The following GRIP1 variants were observed in gnomAD, a reference collection of about 807,000 sequenced individuals.
GRIP1 encodes the protein glutamate receptor interacting protein 1.
Under a neutral mutation model 129.9 loss-of-function variants are expected in GRIP1, and 45 were observed. That is an observed-to-expected ratio of 0.35 (90% confidence interval 0.27 to 0.44). GRIP1 has a LOEUF of 0.44. Among genes scored for constraint, GRIP1 ranks in the 20% least tolerant of loss-of-function variants. The pLI is 1.00. For missense variants in GRIP1, 1,196 were observed against 1,396.8 expected, an observed-to-expected ratio of 0.86 and a Z score of 2.29; for synonymous variants, 530 against 520.8, an observed-to-expected ratio of 1.02 and a Z score of -0.24.
chr12:66,988,378 T>C (rs966226210), intron 1 of GRIP1, among the ~76,000 whole-genome samples: 2 of 152,076 alleles, frequency 1.3e-5, no homozygotes, highest in Non-Finnish European at 2.9e-5. Flanking sequence ...AGAAATTCTT[T>C]TTTCTTTTTC....
intron 1 of GRIP1, among the ~76,000 whole-genome samples, chr12:66,723,008 C>T (rs1218255581): frequency 6.6e-6 from 1 of 151,638 alleles, no homozygotes; most frequent in African/African-American, 2.4e-5. Flanking sequence ...ACAGAAAACT[C>T]TACATCAGTG....
At position 66,511,176 on chromosome 12, in the gene GRIP1, GAGTTT is replaced by G. The variant is rs149770147; in HGVS notation, c.724+4438_724+4442del. On this transcript the variant is annotated intron_variant, in intron 7 of 24. Transcript: ENST00000359742. ...TGAGATCTGATGGTTTTATAAAGGAGAGTTTCCCTGCACAAGTTCTCTTCTCCTGT... is the reference window on the plus strand; with the variant it reads ...TGAGATCTGATGGTTTTATAAAGGAGCCCTGCACAAGTTCTCTTCTCCTGT... Among the ~76,000 whole-genome samples, 1,041 of 152,190 alleles carry G rather than the reference GAGTTT, an allele frequency of 6.8e-3. 36 individuals carry two copies. The East Asian group carries it at 0.1, about 15-fold the overall frequency.
intron 4 of GRIP1, among the ~76,000 whole-genome samples, chr12:66,533,894 C>CTG (rs1204283398): frequency 4.0e-5 from 6 of 151,826 alleles, no homozygotes; most frequent in African/African-American, 1.4e-4. Context: ...CACACTCTCT[C>CTG]TCTCTCTCTC....
intron 1 of GRIP1, among the ~76,000 whole-genome samples, chr12:66,895,487 T>C (rs1460964333): frequency 6.6e-6 from 1 of 152,192 alleles, no homozygotes; most frequent in African/African-American, 2.4e-5. Flanking sequence ...GTATCTCTTG[T>C]AGCAGTGTGA....
chr12:66,701,285 T>G (rs1337669798), intron 1 of GRIP1, among the ~76,000 whole-genome samples: 2 of 152,230 alleles, frequency 1.3e-5, no homozygotes, highest in African/African-American at 4.8e-5. Context: ...CTTACTCTGA[T>G]GCTTTTCCTT....
At chr12:66,685,698 T>C (rs1293713944) in intron 1 of GRIP1, among the ~76,000 whole-genome samples, 1 of 152,126 alleles carries the variant, frequency 6.6e-6, no homozygotes. Context: ...AGGGAAGAAA[T>C]TAGATTTCTA....
At chr12:66,997,140 A>G (rs950518859) in intron 1 of GRIP1, among the ~76,000 whole-genome samples, 1 of 152,182 alleles carries the variant, frequency 6.6e-6, no homozygotes, top group African/African-American at 2.4e-5. Flanking sequence ...CCAAATCTGC[A>G]GCGTAAGAGT....
In GRIP1 at chr12:66,531,253, ATATATATATAT is replaced by A. The variant is rs1343192218; in HGVS notation, c.419-1350_419-1340del. Among the ~76,000 whole-genome samples the A allele has an allele frequency of 1.7e-4, 3 of 17,386 alleles. 1 individual carries two copies. In the East Asian group the frequency reaches 3.3e-3, roughly 19 times the overall value. 11.4% of individuals were successfully genotyped at this position (17,386 alleles called of 152,430 possible). On this transcript the variant is annotated intron_variant, in intron 4 of 24. Coordinates refer to ENST00000359742, the MANE Select transcript of GRIP1 (RefSeq NM_001366722.1). Reference sequence around the variant, plus strand: ...TCTGTCTCAAAAAAAAAAAAAAAAAATATATATATATATATATATATATATATATATATATA... The same window carrying A: ...TCTGTCTCAAAAAAAAAAAAAAAAAAATATATATATATATATATATATATA...
intron 1 of GRIP1, among the ~76,000 whole-genome samples, chr12:66,870,101 C>T (rs1308988894): frequency 1.3e-5 from 2 of 152,038 alleles, no homozygotes; most frequent in Non-Finnish European, 2.9e-5. Flanking sequence ...TGTCAAATGT[C>T]CTCTGGGTGA....
At chr12:66,837,737 C>A (rs554190652) in intron 1 of GRIP1, among the ~76,000 whole-genome samples, 1 of 152,012 alleles carries the variant, frequency 6.6e-6, no homozygotes, top group Non-Finnish European at 1.5e-5. Context: ...AGAAGCCTAT[C>A]GCAATGGTCC....
chr12:66,973,515 T>G (rs1032553570), intron 1 of GRIP1, among the ~76,000 whole-genome samples: 3 of 152,102 alleles, frequency 2.0e-5, no homozygotes, highest in African/African-American at 7.2e-5. Context: ...CTTTGAATTC[T>G]GAATAAATTC....
intron 1 of GRIP1, among the ~76,000 whole-genome samples, chr12:66,947,051 A>AG (rs1373272838): frequency 1.6e-4 from 24 of 152,038 alleles, no homozygotes; most frequent in African/African-American, 5.8e-4. Flanking sequence ...TCTCAAAAAA[A>AG]AAAAAACCTG....
At chr12:66,687,506 C>A (rs964203063) in intron 1 of GRIP1, among the ~76,000 whole-genome samples, 3 of 151,960 alleles carry the variant, frequency 2.0e-5, no homozygotes, top group Admixed American at 2.0e-4. Context: ...CCTATGCCAG[C>A]CACCATGATG....
intron 1 of GRIP1, among the ~76,000 whole-genome samples, chr12:66,781,835 A>G (rs966762906): frequency 3.9e-5 from 6 of 152,214 alleles, no homozygotes; most frequent in African/African-American, 1.4e-4. Context: ...GGGTGTATAA[A>G]TTGGTATAGC....
At chr12:66,925,433 T>C (rs1229668009) in intron 1 of GRIP1, among the ~76,000 whole-genome samples, 1 of 151,862 alleles carries the variant, frequency 6.6e-6, no homozygotes, top group Non-Finnish European at 1.5e-5. Flanking sequence ...CAATACAACA[T>C]GGAGGGAATG....
chr12:66,723,447 G>A lies in GRIP1; in HGVS notation c.-420+80606C>T, dbSNP rs536406305. Among the ~76,000 whole-genome samples the A allele has an allele frequency of 4.2e-4, 63 of 151,098 alleles. No individual in the cohort carries two copies. In the South Asian group the frequency reaches 0.012, roughly 29 times the overall value. ...CCTGCCTCAGCCTCCCGAGTAGCTG[G>A]GACTACAGGCGTGCGCCACCATGCC... On this transcript the variant is annotated intron_variant, in intron 1 of 4. Transcript: ENST00000538373.
chr12:66,499,770 A>AT (rs2060338196), intron 7 of GRIP1, among the ~76,000 whole-genome samples: 1 of 152,198 alleles, frequency 6.6e-6, no homozygotes, highest in African/African-American at 2.4e-5. Flanking sequence ...TTGGGAGGTC[A>AT]AGGCGAGAAG....
chr12:66,892,942 G>A (rs987229108), intron 1 of GRIP1, among the ~76,000 whole-genome samples: 8 of 152,128 alleles, frequency 5.3e-5, no homozygotes, highest in African/African-American at 1.7e-4. Context: ...GTCCAGCCTA[G>A]GTGATAGAGC....
intron 1 of GRIP1, among the ~76,000 whole-genome samples, chr12:66,890,297 A>G (rs867884901): frequency 6.6e-6 from 1 of 152,204 alleles, no homozygotes; most frequent in African/African-American, 2.4e-5. Flanking sequence ...GATCCAGGTC[A>G]GTTTTGCTCC....
Sources: gnomAD v4.1 joint callset for allele counts (sites outside exome capture counted in the v4.1 genomes callset) on GRCh38, gnomAD v4.1.1 for gene constraint, MANE v1.5 for transcripts, NCBI Gene and HGNC (gene_info 2026-07-23, HGNC 2026-07-21) for gene names.